CHRM3: variants seen among roughly 807,000 people sequenced by gnomAD.
CHRM3 encodes the protein muscarinic acetylcholine receptor M3.
In CHRM3, 11 loss-of-function variants were observed where a neutral mutation model predicts 41.8. The observed-to-expected ratio is 0.26, with a 90% CI of 0.17 to 0.44. The LOEUF (loss-of-function observed/expected upper bound fraction) is 0.44, where lower values mean the gene tolerates loss of function less well. CHRM3 is among the 20% of genes least tolerant of loss of function. The pLI is 1.00. For missense variants in CHRM3, 571 were observed against 745.4 expected (o/e 0.77, Z 2.72); for synonymous variants, 297 against 301.4 (o/e 0.99, Z 0.15).
intron 1 of CHRM3, among the ~76,000 whole-genome samples, chr1:239,418,812 A>C (rs1039347679): frequency 7.9e-5 from 12 of 152,194 alleles, no homozygotes; most frequent in African/African-American, 2.4e-4. Flanking sequence ...CAGGATAATC[A>C]GTCATTTGAA....
At chr1:239,862,937 T>C (rs146236477) in intron 6 of CHRM3, among the ~76,000 whole-genome samples, 158 of 152,350 alleles carry the variant, frequency 1.0e-3, no homozygotes, top group African/African-American at 3.7e-3. Context: ...AGATGAAAGA[T>C]ATACAGACAA....
intron 5 of CHRM3, among the ~76,000 whole-genome samples, chr1:239,794,495 G>C (rs73127368): frequency 0.026 from 3,943 of 149,728 alleles, 162 homozygotes; most frequent in African/African-American, 0.091. Flanking sequence ...TAACATTCAA[G>C]ATTTCAGCCA....
chr1:239,653,417 G>A (rs532796445), intron 4 of CHRM3, among the ~76,000 whole-genome samples: 2 of 152,212 alleles, frequency 1.3e-5, no homozygotes, highest in African/African-American at 4.8e-5. Context: ...ATGCAGAGAC[G>A]GAAACGGAAG....
chr1:239,581,242 A>G (rs1662871422), intron 3 of CHRM3, among the ~76,000 whole-genome samples: 1 of 152,174 alleles, frequency 6.6e-6, no homozygotes, highest in Non-Finnish European at 1.5e-5. Context: ...ATTTATCTAT[A>G]GATTATAGAA....
chr1:239,553,651 T>C (rs1217862150), intron 3 of CHRM3, among the ~76,000 whole-genome samples: 1 of 152,226 alleles, frequency 6.6e-6, no homozygotes, highest in Non-Finnish European at 1.5e-5. Context: ...CAAGTGTCTT[T>C]TCTATCCCAT....
At chr1:239,470,526 A>C (rs981771197) in intron 1 of CHRM3, among the ~76,000 whole-genome samples, 5 of 152,184 alleles carry the variant, frequency 3.3e-5, no homozygotes, top group Non-Finnish European at 7.4e-5. Context: ...CCAGGGAAGC[A>C]ACCCAGAATT....
In CHRM3 at chr1:239,874,326, T is replaced by C. The variant is rs11801479; in HGVS notation, c.-19-33107T>C. Among the ~76,000 whole-genome samples, 555 of 121,958 alleles carry C rather than the reference T, an allele frequency of 4.6e-3. 15 individuals carry two copies. Among genetic ancestry groups the C allele is most frequent in the African/African-American group, 0.014 (457 of 32,504 alleles). The allele number at this position is 121,958 out of a possible 152,430, so 80.0% of individuals were successfully genotyped here. On this transcript the variant is annotated intron_variant, in intron 6 of 6. Transcript: ENST00000676153. Reference sequence around the variant, plus strand: ...ATATATATATATATATATATATATATACACAGTTGACCCTCGAACAACACA... The same window carrying C: ...ATATATATATATATATATATATATACACACAGTTGACCCTCGAACAACACA...
At chr1:239,515,869 A>G (rs1027434794) in intron 2 of CHRM3, among the ~76,000 whole-genome samples, 33 of 152,202 alleles carry the variant, frequency 2.2e-4, no homozygotes, top group Non-Finnish European at 2.9e-5. Context: ...TATTAAGACA[A>G]AAGCTCAGTA....
chr1:239,511,221 G>T (rs1668897397), intron 2 of CHRM3, among the ~76,000 whole-genome samples: 1 of 152,186 alleles, frequency 6.6e-6, no homozygotes, highest in Non-Finnish European at 1.5e-5. Context: ...ACCAGCTAGA[G>T]CCATGGAAAT....
chr1:239,663,716 T>C (rs1378933653), intron 4 of CHRM3, among the ~76,000 whole-genome samples: 1 of 152,230 alleles, frequency 6.6e-6, no homozygotes, highest in Non-Finnish European at 1.5e-5. Context: ...TACATGCATT[T>C]TGCACTTCGT....
At position 239,543,304 on chromosome 1, in the gene CHRM3, G is replaced by T. The variant is rs941498830; in HGVS notation, c.-421-2337G>T. On this transcript the variant is annotated intron_variant, in intron 2 of 6. Transcript: ENST00000676153. ...GAACTCATTGCTTGTGCCTCCTACA[G>T]GGAAAATCCTGCTGTCCCCAAAGAA... is the stretch of plus-strand genomic sequence containing the variant. 2.0e-5 allele frequency among the ~76,000 whole-genome samples: 3 copies of T among 152,090 alleles called. No individual in the cohort carries two copies. The South Asian group carries it at 6.2e-4, about 32-fold the overall frequency.
chr1:239,641,904 C>T lies in CHRM3; in HGVS notation c.-250+9618C>T, dbSNP rs1384725908. ...GGCGTGATTTTGCAGTGGCTGGTAC[C>T]GGTTGTTCCTTTCCGTGTTTAGTGC... is the stretch of plus-strand genomic sequence containing the variant. On this transcript the variant is annotated intron_variant, in intron 4 of 6. Coordinates refer to ENST00000676153, the MANE Select transcript of CHRM3 (RefSeq NM_001375978.1). Among the ~76,000 whole-genome samples, 14 of 127,378 alleles carry T rather than the reference C, an allele frequency of 1.1e-4. 3 individuals carry two copies. The highest frequency in any genetic ancestry group is 7.8e-3 in the Middle Eastern group (2 of 256). 83.6% of individuals were successfully genotyped at this position (127,378 alleles called of 152,430 possible). A position where few individuals can be genotyped will look rare whatever the true frequency, so the allele number is the denominator to read the frequency against.
chr1:239,759,837 G>T (rs560088341), intron 5 of CHRM3, among the ~76,000 whole-genome samples: 1 of 152,126 alleles, frequency 6.6e-6, no homozygotes, highest in Non-Finnish European at 1.5e-5. Context: ...GAGAAGCTTC[G>T]CTGAATCATC....
At chr1:239,879,787 C>T (rs1418824239) in intron 6 of CHRM3, among the ~76,000 whole-genome samples, 1 of 152,194 alleles carries the variant, frequency 6.6e-6, no homozygotes, top group African/African-American at 2.4e-5. Context: ...GGTCCCTCCA[C>T]GGTCACACAC....
At chr1:239,848,079 T>C (rs1199321457) in intron 6 of CHRM3, among the ~76,000 whole-genome samples, 1 of 152,114 alleles carries the variant, frequency 6.6e-6, no homozygotes, top group African/African-American at 2.4e-5. Context: ...AAAATACCCT[T>C]TTAAGGCTTT....
At chr1:239,439,349 TTTAG>T (rs1663523848) in intron 1 of CHRM3, among the ~76,000 whole-genome samples, 1 of 152,186 alleles carries the variant, frequency 6.6e-6, no homozygotes, top group Non-Finnish European at 1.5e-5. Context: ...AGCTTTTATA[TTTAG>T]TTACTCATGG....
chr1:239,880,328 G>T (rs901298806), intron 6 of CHRM3, among the ~76,000 whole-genome samples: 2 of 152,204 alleles, frequency 1.3e-5, no homozygotes, highest in African/African-American at 4.8e-5. Context: ...TTGGAGGGTC[G>T]CTGGTCTCAG....
chr1:239,912,155 T>C lies in CHRM3; in HGVS notation c.*2931T>C, dbSNP rs981482090. 1.2e-5 allele frequency: 2 copies of C among 166,894 alleles called. No individual in the cohort carries two copies. The highest frequency in any genetic ancestry group is 2.9e-5 in the Non-Finnish European group (2 of 68,104). 10.3% of individuals were successfully genotyped at this position (166,894 alleles called of 1,614,324 possible). On this transcript the variant is annotated 3_prime_UTR_variant, in exon 7 of 7. Coordinates refer to ENST00000676153, the MANE Select transcript of CHRM3 (RefSeq NM_001375978.1). ...CTCTCTCTCTCTGCCTCTCTCTCTC[T>C]CTTTCTCCCTCTTCTTCCTTCTCTC... is the stretch of plus-strand genomic sequence containing the variant.
intron 1 of CHRM3, among the ~76,000 whole-genome samples, chr1:239,439,316 T>C (rs543916305): frequency 5.8e-4 from 88 of 152,300 alleles, no homozygotes; most frequent in African/African-American, 2.1e-3. Flanking sequence ...CTGACAATTA[T>C]AGTAATAACA....
Sources: allele counts gnomAD v4.1 joint callset (sites outside exome capture counted in the v4.1 genomes callset), GRCh38; gene constraint gnomAD v4.1.1; transcripts MANE v1.5; gene names NCBI Gene and HGNC (gene_info 2026-07-23, HGNC 2026-07-21).